The following PTK2 variants were observed in gnomAD, a reference collection of about 807,000 sequenced individuals.
PTK2 encodes protein tyrosine kinase 2.
PTK2 carries 45 observed loss-of-function variants against 150.1 expected under a neutral mutation model. The observed-to-expected ratio is 0.30, with a 90% CI of 0.24 to 0.38. The LOEUF is 0.38. Ranked by LOEUF, PTK2 falls within the 10% of genes least tolerant of loss-of-function variation. The pLI is 1.00. For synonymous variants in PTK2, 432 were observed against 449.2 expected, an observed-to-expected ratio of 0.96 and a Z score of 0.48; for missense variants, 919 against 1,307.3, an observed-to-expected ratio of 0.70 and a Z score of 4.58.
intron 3 of PTK2, among the ~76,000 whole-genome samples, chr8:140,884,078 G>T (rs934397187): frequency 1.3e-5 from 2 of 152,040 alleles, no homozygotes; most frequent in African/African-American, 4.8e-5. Context: ...CTGCTGCAGT[G>T]AAGGACTCAT....
intron 1 of PTK2, among the ~76,000 whole-genome samples, chr8:140,959,127 A>AT (rs931650442): frequency 1.7e-4 from 25 of 150,116 alleles, no homozygotes; most frequent in East Asian, 3.9e-4. Context: ...AGGGAGTAAA[A>AT]TTTTTTTTTT....
At chr8:140,981,010 T>C (rs1456833959) in intron 1 of PTK2, among the ~76,000 whole-genome samples, 1 of 143,324 alleles carries the variant, frequency 7.0e-6, no homozygotes, top group African/African-American at 2.6e-5. Context: ...TCCGCCCACC[T>C]CGGCCTCCCA....
At chr8:140,985,147 C>A (rs1298817626) in intron 1 of PTK2, among the ~76,000 whole-genome samples, 1 of 151,794 alleles carries the variant, frequency 6.6e-6, no homozygotes, top group East Asian at 1.9e-4. Context: ...TTGTGAGATG[C>A]GGGTTTCAGT....
intron 1 of PTK2, among the ~76,000 whole-genome samples, chr8:140,957,263 A>C (rs771109502): frequency 6.6e-6 from 1 of 151,924 alleles, no homozygotes; most frequent in East Asian, 1.9e-4. Context: ...GTGAAACCCT[A>C]TCTCTACAGA....
chr8:140,879,676 G>GAAAAAAAAAAAAAAAAAAAAAAAAAAAC, intron 3 of PTK2, 39 bp from the exon 4 acceptor site: 1 of 31,602 alleles, frequency 3.2e-5, no homozygotes, highest in Non-Finnish European at 4.8e-5. Context: ...GTTATAAACT[G>GAAAAAAAAAAAAAAAAAAAAAAAAAAAC]AAAAAAAAAA....
At chr8:140,893,114 G>C (rs1317256184) in intron 2 of PTK2, among the ~76,000 whole-genome samples, 2 of 152,210 alleles carry the variant, frequency 1.3e-5, no homozygotes, top group East Asian at 3.9e-4. Context: ...GACTGCTTGA[G>C]GTCAGGAGTT....
rs181832897 is a variant in PTK2 at position 140,971,242 on chromosome 8, T to G, written c.-122+29883A>C. On this transcript the variant is annotated intron_variant, in intron 1 of 31. Coordinates refer to ENST00000522684, the Ensembl canonical transcript of PTK2. ...AATATATGGGGAGCAGACAAATGAT[T>G]TGCTGCACAAATTTACAAAAATTAT... Among the ~76,000 whole-genome samples, 7 of 152,344 alleles carry G rather than the reference T, an allele frequency of 4.6e-5. No homozygotes were observed. In the East Asian group the frequency reaches 1.3e-3, roughly 29 times the overall value.
intron 1 of PTK2, among the ~76,000 whole-genome samples, chr8:140,971,635 T>G (rs1028804528): frequency 6.6e-6 from 1 of 152,238 alleles, no homozygotes; most frequent in African/African-American, 2.4e-5. Context: ...AAACAGTACT[T>G]ATATGAGGAA....
At chr8:140,717,010 C>G (rs143719678) in intron 23 of PTK2, among the ~76,000 whole-genome samples, 1 of 152,234 alleles carries the variant, frequency 6.6e-6, no homozygotes, top group African/African-American at 2.4e-5. Context: ...CAGGAGAGGG[C>G]ACCAGTAAAG....
chr8:140,676,819 TC>T (rs1246198100), intron 27 of PTK2, among the ~76,000 whole-genome samples: 2 of 132,878 alleles, frequency 1.5e-5, no homozygotes, highest in African/African-American at 5.8e-5. Context: ...GTGCCCGTAA[TC>T]CCAGCTACTT....
intron 26 of PTK2, among the ~76,000 whole-genome samples, chr8:140,692,932 A>AG (rs1712728470): frequency 6.6e-6 from 1 of 152,302 alleles, no homozygotes; most frequent in African/African-American, 2.4e-5. Context: ...CTGCTATGTG[A>AG]GGGAAAAATG....
At chr8:140,830,074 C>T (rs1423904933) in intron 8 of PTK2, among the ~76,000 whole-genome samples, 2 of 114,350 alleles carry the variant, frequency 1.7e-5, no homozygotes, top group African/African-American at 4.3e-5. Flanking sequence ...CTAACATGCA[C>T]GCACACACAT....
intron 1 of PTK2, among the ~76,000 whole-genome samples, chr8:140,970,852 TACAACA>T (rs2100186982): frequency 1.9e-5 from 1 of 53,640 alleles, no homozygotes; most frequent in Non-Finnish European, 7.9e-5. Flanking sequence ...GTTGTCTGAC[TACAACA>T]TGTCTGACTA....
At chr8:140,822,555 A>G (rs2100109407) in intron 8 of PTK2, 1 of 152,248 alleles carries the variant, frequency 6.6e-6, no homozygotes, top group African/African-American at 2.4e-5. Context: ...ATTCTAATCC[A>G]GAACTACTTG....
At chr8:140,669,220 T>C (rs2094160735) in intron 29 of PTK2, 1 of 149,746 alleles carries the variant, frequency 6.7e-6, no homozygotes. Flanking sequence ...GTACTGATGG[T>C]GGAATAACAT....
At chr8:140,762,576 A>G (rs947453445) in intron 15 of PTK2, among the ~76,000 whole-genome samples, 188 bp from the exon 18 acceptor site, 1 of 152,210 alleles carries the variant, frequency 6.6e-6, no homozygotes, top group African/African-American at 2.4e-5. Flanking sequence ...AGTTAACTCA[A>G]TGTTAGTTAA....
chr8:140,786,939 C>T (rs1228549527), intron 14 of PTK2, among the ~76,000 whole-genome samples: 1 of 152,010 alleles, frequency 6.6e-6, no homozygotes, highest in Non-Finnish European at 1.5e-5. Context: ...GAGCCACAGC[C>T]ACCAACTTTT....
intron 29 of PTK2, chr8:140,672,013 C>G: frequency 2.9e-6 from 1 of 345,940 alleles, no homozygotes; most frequent in South Asian, 2.2e-5. Context: ...GCTTCATACC[C>G]TATCCTAATT....
At chr8:140,834,204 G>A (rs1003466796) in intron 7 of PTK2, among the ~76,000 whole-genome samples, 2 of 152,166 alleles carry the variant, frequency 1.3e-5, no homozygotes, top group Non-Finnish European at 2.9e-5. Context: ...GCTTGGTGCT[G>A]TGGGCCCAAA....
Sources: gnomAD v4.1 joint callset for allele counts (sites outside exome capture counted in the v4.1 genomes callset) on GRCh38, gnomAD v4.1.1 for gene constraint, MANE v1.5 for transcripts, NCBI Gene and HGNC (gene_info 2026-07-23, HGNC 2026-07-21) for gene names.